The following IGF2BP2 variants were observed in gnomAD, a reference collection of about 807,000 sequenced individuals.
The protein encoded by IGF2BP2 is insulin like growth factor 2 mRNA binding protein 2.
Under a neutral mutation model 75.8 loss-of-function variants are expected in IGF2BP2, and 17 were observed. That is an observed-to-expected ratio of 0.22 (90% CI 0.15 to 0.34). The LOEUF is 0.34. IGF2BP2 is among the 10% of genes least tolerant of loss of function. IGF2BP2 has a pLI of 1.00. For synonymous variants in IGF2BP2, 288 were observed against 295.6 expected (o/e 0.97, Z 0.26); for missense variants, 516 against 772.4 (o/e 0.67, Z 3.93).
In IGF2BP2 at chr3:185,645,807, C is replaced by A. The variant is rs1713419166; in HGVS notation, c.1708-184G>T. Among the ~76,000 whole-genome samples, 1 of 151,956 alleles carries A rather than the reference C, an allele frequency of 6.6e-6. No homozygotes were observed. The highest frequency in any genetic ancestry group is 2.4e-5 in the African/African-American group (1 of 41,366). ...CTGCCTGGAAGTAAGTGGCAGAGGT[C>A]CCCCCTCCACTCCCACCCCAAGGTC... On this transcript the variant is annotated intron_variant, in intron 15 of 15. Transcript: ENST00000382199. The surrounding 1 kb of genome is among the most constrained non-coding windows in gnomAD (Gnocchi z 4.9).
chr3:185,758,202 C>T (rs1303068804), intron 2 of IGF2BP2, among the ~76,000 whole-genome samples: 2 of 152,200 alleles, frequency 1.3e-5, no homozygotes, highest in East Asian at 3.9e-4. Flanking sequence ...AAGAGTCCCA[C>T]TCAATTAATG....
At chr3:185,657,165 T>G (rs941867899) in intron 12 of IGF2BP2, 121 bp downstream of exon 12, 2 of 661,268 alleles carry the variant, frequency 3.0e-6, no homozygotes, top group African/African-American at 3.6e-5. Context: ...GCAAATGTTC[T>G]AGATCTCTGT....
chr3:185,809,734 C>G (rs913847451), intron 2 of IGF2BP2, among the ~76,000 whole-genome samples: 2 of 151,994 alleles, frequency 1.3e-5, no homozygotes, highest in East Asian at 3.8e-4. Context: ...ACAATTTTCC[C>G]CCTCCATTCT....
At chr3:185,763,496 C>T (rs769870052) in intron 2 of IGF2BP2, among the ~76,000 whole-genome samples, 7 of 152,244 alleles carry the variant, frequency 4.6e-5, no homozygotes, top group African/African-American at 7.2e-5. Flanking sequence ...GCTTAAGTTA[C>T]AAGCTTGTCT....
intron 2 of IGF2BP2, among the ~76,000 whole-genome samples, chr3:185,804,955 T>C (rs1039141780): frequency 2.0e-5 from 3 of 149,142 alleles, no homozygotes; most frequent in African/African-American, 7.5e-5. Flanking sequence ...ATGGCGCCAC[T>C]GCACTCCAGC....
chr3:185,739,462 T>C (rs1333737516), intron 2 of IGF2BP2, among the ~76,000 whole-genome samples: 1 of 152,208 alleles, frequency 6.6e-6, no homozygotes, highest in Non-Finnish European at 1.5e-5. Flanking sequence ...AACCCTTCTG[T>C]TATCAAAAGG....
chr3:185,775,615 C>G (rs189965534), intron 2 of IGF2BP2, among the ~76,000 whole-genome samples: 1 of 152,228 alleles, frequency 6.6e-6, no homozygotes, highest in East Asian at 1.9e-4. Context: ...TCATTCTGAG[C>G]AAGGTTGGGG....
At chr3:185,755,308 A>T (rs1410362290) in intron 2 of IGF2BP2, among the ~76,000 whole-genome samples, 1 of 152,148 alleles carries the variant, frequency 6.6e-6, no homozygotes, top group Non-Finnish European at 1.5e-5. Flanking sequence ...GATACCATAA[A>T]CCTTGGTAGC....
intron 2 of IGF2BP2, among the ~76,000 whole-genome samples, chr3:185,709,014 A>G (rs1447364941): frequency 1.3e-5 from 2 of 152,220 alleles, no homozygotes; most frequent in African/African-American, 4.8e-5. Flanking sequence ...AGAAGTGATT[A>G]GTCACCCTTA....
intron 2 of IGF2BP2, among the ~76,000 whole-genome samples, chr3:185,820,229 TACACATACACACACACACACACAC>T (rs1486947732): frequency 1.8e-4 from 24 of 133,818 alleles, no homozygotes; most frequent in Non-Finnish European, 2.8e-4. Context: ...TGTGTATATA[TACACATACACACACACACACACAC>T]ACACACACAC....
intron 2 of IGF2BP2, among the ~76,000 whole-genome samples, chr3:185,708,560 G>A (rs1724370675): frequency 6.6e-6 from 1 of 152,062 alleles, no homozygotes; most frequent in Non-Finnish European, 1.5e-5. Context: ...GCCGACTTCT[G>A]GTTGATGGTC....
intron 2 of IGF2BP2, among the ~76,000 whole-genome samples, chr3:185,805,493 C>T (rs904983898): frequency 1.3e-5 from 2 of 152,124 alleles, no homozygotes; most frequent in African/African-American, 2.4e-5. Context: ...AGACCTGAAC[C>T]GGTCACTGGA....
chr3:185,696,191 G>C (rs1316241217), intron 4 of IGF2BP2, among the ~76,000 whole-genome samples: 3 of 152,184 alleles, frequency 2.0e-5, no homozygotes, highest in Non-Finnish European at 2.9e-5. Context: ...AGCACTTCAA[G>C]GGATTATTGG....
chr3:185,722,466 T>C (rs564853199), intron 2 of IGF2BP2: 1 of 316,700 alleles, frequency 3.2e-6, no homozygotes, highest in South Asian at 2.4e-5. Context: ...AGGAGCAGTA[T>C]TGATGGATTT....
intron 2 of IGF2BP2, among the ~76,000 whole-genome samples, chr3:185,770,447 G>C (rs1733730210): frequency 6.6e-6 from 1 of 152,222 alleles, no homozygotes; most frequent in Admixed American, 6.5e-5. Flanking sequence ...TTATACATTG[G>C]AAAGTATTTT....
At chr3:185,782,773 T>C (rs1228177889) in intron 2 of IGF2BP2, among the ~76,000 whole-genome samples, 1 of 152,128 alleles carries the variant, frequency 6.6e-6, no homozygotes, top group South Asian at 2.1e-4. Context: ...TACAAGGCTC[T>C]TACACAGAGA....
intron 2 of IGF2BP2, among the ~76,000 whole-genome samples, chr3:185,715,752 C>T (rs534810177): frequency 6.6e-6 from 1 of 152,084 alleles, no homozygotes; most frequent in East Asian, 1.9e-4. Context: ...CAAGAGATTC[C>T]CCTGCCTTAA....
intron 2 of IGF2BP2, among the ~76,000 whole-genome samples, chr3:185,774,068 C>G (rs1388042401): frequency 6.6e-6 from 1 of 152,170 alleles, no homozygotes; most frequent in Non-Finnish European, 1.5e-5. Flanking sequence ...CTCCTTAACA[C>G]AGTGCTGAAC....
chr3:185,722,417 T>A, intron 2 of IGF2BP2: 1 of 342,430 alleles, frequency 2.9e-6, no homozygotes, highest in Non-Finnish European at 5.7e-6. Context: ...CATTGCCTTC[T>A]ACTTCCTCCA....
Sources: gnomAD v4.1 joint callset for allele counts (sites outside exome capture counted in the v4.1 genomes callset) on GRCh38, gnomAD v4.1.1 for gene constraint, Gnocchi (gnomAD v3.1) non-coding constraint, MANE v1.5 for transcripts, NCBI Gene and HGNC (gene_info 2026-07-23, HGNC 2026-07-21) for gene names.